Variants in DNAH1 observed in about 807,000 individuals in gnomAD.
DNAH1 encodes dynein axonemal heavy chain 1.
Under a neutral mutation model 484.3 loss-of-function variants are expected in DNAH1, and 327 were observed. The observed-to-expected ratio is 0.68, with a 90% CI of 0.62 to 0.74. The LOEUF (loss-of-function observed/expected upper bound fraction) is 0.74, where lower values mean the gene tolerates loss of function less well. Ranked by LOEUF, DNAH1 falls within the 30% of genes least tolerant of loss-of-function variation. The pLI, the probability that DNAH1 is intolerant of heterozygous loss-of-function variation, is 0.00. For synonymous variants in DNAH1, 2,192 were observed against 2,191.9 expected, an observed-to-expected ratio of 1.00 and a Z score of 0.00; for missense variants, 5,052 against 5,546.8, an observed-to-expected ratio of 0.91 and a Z score of 2.83.
chr3:52,372,337 C>A lies in DNAH1; in HGVS notation c.6777C>A (p.Arg2259=). ...GCCACTTCCTCACCTTCTCAGCCCG[C>A]ACTTCAGCCAACCAGACCCAGGACT... The part of the protein sequence containing the change: ...YISHFLTFSA[R]TSANQTQDFI... The change falls in exon 43 of 78, where the codon CGC becomes CGA. Residue 2259 remains arginine (R), a synonymous_variant. Coordinates refer to ENST00000420323, the MANE Select transcript of DNAH1 (RefSeq NM_015512.5). The A allele has an allele frequency of 6.2e-7, 1 of 1,614,022 alleles. No individual in the cohort carries two copies. Among genetic ancestry groups the A allele is most frequent in the Non-Finnish European group, 8.5e-7 (1 of 1,179,898 alleles).
chr3:52,395,503 G>T lies in DNAH1; in HGVS notation c.11127+37G>T. The T allele has an allele frequency of 6.2e-7, 1 of 1,613,348 alleles. No homozygotes were observed. The highest frequency in any genetic ancestry group is 8.5e-7 in the Non-Finnish European group (1 of 1,179,608). On this transcript the variant is annotated intron_variant, in intron 69 of 77. Transcript: ENST00000420323. This position sits in a 1 kb window ranked among gnomAD's most constrained non-coding sequence, Gnocchi z 4.4. ...GCAGGGAGGAAGGGAGTGGGCTGGG[G>T]GGTGGGCAAGCTGGCCCCCTGCTCA... is the stretch of plus-strand genomic sequence containing the variant.
rs1460680127 is a variant in DNAH1 at position 52,386,724 on chromosome 3, G to C, written c.8874G>C (p.Met2958Ile). ...TGGTCATAGAAGCTGTGTGCATTAT[G>C]AAAGGCATCAAGCCCAAGAAGGTGC... ...VKLVIEAVCI[M>I]KGIKPKKVPG... Residue 2958 changes from methionine (M) to isoleucine (I), a missense_variant, in exon 56 of 78, where the codon ATG becomes ATC. Met to Ile is a conservative substitution (Grantham distance 10). Around this residue, in one of 4 missense-constraint regions of DNAH1, gnomAD observed 2,929 missense variants for 3,409.4 expected, o/e 0.86. Coordinates refer to ENST00000420323, the MANE Select transcript of DNAH1 (RefSeq NM_015512.5). The C allele has an allele frequency of 6.3e-7, 1 of 1,591,916 alleles. No individual in the cohort carries two copies. Among genetic ancestry groups the C allele is most frequent in the East Asian group, 2.3e-5 (1 of 43,826 alleles).
chr3:52,317,390 C>T (rs896589665), intron 1 of DNAH1, among the ~76,000 whole-genome samples: 11 of 152,134 alleles, frequency 7.2e-5, no homozygotes, highest in Non-Finnish European at 1.2e-4. Flanking sequence ...AGTCACCGTG[C>T]AATGGGTGGG....
chr3:52,369,765 C>A, intron 37 of DNAH1, 60 bp from the exon 38 acceptor site: 1 of 1,544,100 alleles, frequency 6.5e-7, no homozygotes, highest in South Asian at 1.2e-5. Context: ...GCCCTGCAGC[C>A]CTTTCTCCAG....
chr3:52,387,738 G>A (rs1424077864), intron 56 of DNAH1, among the ~76,000 whole-genome samples: 1 of 152,192 alleles, frequency 6.6e-6, no homozygotes, highest in African/African-American at 2.4e-5. Context: ...GAACTACAGG[G>A]CTGGACTCTC....
chr3:52,389,451 A>G lies in DNAH1; in HGVS notation c.9496-10A>G, dbSNP rs1399211084. 2 of 1,611,472 alleles carry G rather than the reference A, an allele frequency of 1.2e-6. No homozygotes were observed. Among genetic ancestry groups the G allele is most frequent in the Non-Finnish European group, 8.5e-7 (1 of 1,178,988 alleles). ...ATGGTGGGGTGGTCCTGAGTCTGGC[A>G]TCTCCCCAGGGCCAGTACCGCACGG... On this transcript the variant is annotated splice_polypyrimidine_tract_variant and intron_variant, in intron 59 of 77. Coordinates refer to ENST00000420323, the MANE Select transcript of DNAH1 (RefSeq NM_015512.5).
At chr3:52,366,418 C>T (rs1261125255) in intron 34 of DNAH1, 39 bp from the exon 35 acceptor site, 2 of 1,536,912 alleles carry the variant, frequency 1.3e-6, no homozygotes, top group African/African-American at 1.4e-5. Context: ...GGACCCAAGC[C>T]CATGCTCTGA....
intron 32 of DNAH1, 36 bp downstream of exon 32, chr3:52,363,180 A>G (rs749846542): frequency 1.2e-6 from 2 of 1,605,666 alleles, no homozygotes; most frequent in Admixed American, 1.7e-5. Flanking sequence ...CAGGGTCTGA[A>G]AACTTCTGCC....
Position 52,397,727 on chromosome 3 carries a change from G to T in DNAH1, c.11808G>T (p.Lys3936Asn), listed in dbSNP as rs1350324282. The part of the protein sequence containing the change: ...YDLHGYLSYI[K>N]SLPLNDMPEI... ...CCTAGGGCTACCTCTCCTACATCAA[G>T]AGCCTCCCACTCAATGATATGCCTG... is the stretch of plus-strand genomic sequence containing the variant. The change falls in exon 74 of 78, where the codon AAG becomes AAT. Residue 3936 changes from lysine to asparagine, a missense_variant. Transcript: ENST00000420323. 1 of 1,611,322 alleles carries T rather than the reference G, an allele frequency of 6.2e-7. No individual in the cohort carries two copies. Among genetic ancestry groups the T allele is most frequent in the Non-Finnish European group, 8.5e-7 (1 of 1,178,440 alleles).
At chr3:52,365,362 C>G (rs1703030610) in intron 34 of DNAH1, among the ~76,000 whole-genome samples, 1 of 152,216 alleles carries the variant, frequency 6.6e-6, no homozygotes. Flanking sequence ...TCCTTGCACC[C>G]CAGCCCACCT....
chr3:52,341,325 G>A (rs554546660), intron 8 of DNAH1, among the ~76,000 whole-genome samples: 2 of 152,246 alleles, frequency 1.3e-5, no homozygotes, highest in South Asian at 2.1e-4. Flanking sequence ...CCCTGATGTG[G>A]GGACTCTTGT....
chr3:52,386,570 CTTGG>C, intron 55 of DNAH1, 88 bp from the exon 56 acceptor site: 1 of 1,397,306 alleles, frequency 7.2e-7, no homozygotes, highest in Non-Finnish European at 9.6e-7. Flanking sequence ...GTAGTAGAGA[CTTGG>C]TTGGTAGGGC....
rs1434394541 is a variant in DNAH1 at position 52,370,784 on chromosome 3, G to A, written c.6484G>A (p.Gly2162Ser). The part of the protein sequence containing the change: ...DYRLEDAGIS[G>S]TNDSEDEEEE... Reference sequence around the variant, plus strand: ...CAGGCTGGAGGACGCGGGCATCAGTGGCACCAACGACAGTGAGGATGAAGA... The same window carrying A: ...CAGGCTGGAGGACGCGGGCATCAGTAGCACCAACGACAGTGAGGATGAAGA... Residue 2162 changes from glycine to serine, a missense_variant, in exon 41 of 78, where the codon GGC becomes AGC. Coordinates refer to ENST00000420323, the MANE Select transcript of DNAH1 (RefSeq NM_015512.5). 6.2e-7 allele frequency: 1 copy of A among 1,607,246 alleles called. No individual in the cohort carries two copies. Among genetic ancestry groups the A allele is most frequent in the Non-Finnish European group, 8.5e-7 (1 of 1,177,292 alleles).
intron 48 of DNAH1, among the ~76,000 whole-genome samples, chr3:52,380,773 GCCGAGC>G (rs1453244586): frequency 2.6e-5 from 4 of 152,214 alleles, no homozygotes; most frequent in Admixed American, 6.5e-5. Context: ...GCTCTGATCA[GCCGAGC>G]CCATGATTGG....
At chr3:52,357,027 T>G (rs892263339) in intron 22 of DNAH1, among the ~76,000 whole-genome samples, 24 of 132,612 alleles carry the variant, frequency 1.8e-4, no homozygotes, top group South Asian at 9.5e-4. Flanking sequence ...TGTTTGTCTG[T>G]TTTTTTTTTT....
At chr3:52,329,840 CAG>C (rs1701478802) in intron 6 of DNAH1, among the ~76,000 whole-genome samples, 1 of 149,948 alleles carries the variant, frequency 6.7e-6, no homozygotes, top group African/African-American at 2.4e-5. Context: ...AAAAAAAAAA[CAG>C]AAACAAACAA....
chr3:52,393,047 C>T (rs760733957), intron 65 of DNAH1, 22 bp downstream of exon 65: 6 of 1,610,532 alleles, frequency 3.7e-6, no homozygotes, highest in Non-Finnish European at 4.2e-6. Flanking sequence ...ATGCCAGGCT[C>T]CTACCCTGCA....
intron 6 of DNAH1, among the ~76,000 whole-genome samples, chr3:52,330,894 G>T (rs546273510): frequency 9.5e-4 from 144 of 152,352 alleles, no homozygotes; most frequent in African/African-American, 3.2e-3. Flanking sequence ...TGCCCTGGTG[G>T]AGGTTGTGCT....
intron 17 of DNAH1, 71 bp from the exon 18 acceptor site, chr3:52,352,481 G>T: frequency 6.4e-7 from 1 of 1,555,782 alleles, no homozygotes; most frequent in Non-Finnish European, 8.7e-7. Flanking sequence ...TGGTTCCCTG[G>T]GTTTGCATGG....
Sources: allele counts gnomAD v4.1 joint callset (sites outside exome capture counted in the v4.1 genomes callset), GRCh38; gene constraint gnomAD v4.1.1; regional missense constraint gnomAD v4.1.1; non-coding constraint Gnocchi (gnomAD v3.1); transcripts MANE v1.5; gene names NCBI Gene and HGNC (gene_info 2026-07-23, HGNC 2026-07-21).